Variants in SERBP1 observed in about 807,000 individuals in gnomAD.
SERBP1 encodes the protein SERPINE1 mRNA binding protein 1, also known as SERPINE1 mRNA-binding protein 1.
A neutral mutation model predicts 50.2 loss-of-function variants in SERBP1; 6 were observed. That is an observed-to-expected ratio of 0.12 (90% CI 0.07 to 0.24). The LOEUF (loss-of-function observed/expected upper bound fraction) is 0.24. SERBP1 is among the 10% of genes least tolerant of loss of function. The probability of loss-of-function intolerance (pLI) is 1.00; values close to 1 mark genes in which losing one functional copy is unlikely to be tolerated. For missense variants in SERBP1, 346 were observed against 524.9 expected (o/e 0.66, Z 3.33); for synonymous variants, 168 against 182.8 (o/e 0.92, Z 0.65).
intron 6 of SERBP1, among the ~76,000 whole-genome samples, chr1:67,416,787 A>G (rs1667025268): frequency 6.6e-6 from 1 of 152,250 alleles, no homozygotes; most frequent in Non-Finnish European, 1.5e-5. Flanking sequence ...GTTCTAATAC[A>G]AATTTTAAAG....
intron 6 of SERBP1, chr1:67,417,369 G>C (rs1257154962): frequency 6.6e-6 from 1 of 152,106 alleles, no homozygotes. Context: ...AACGTGTTTA[G>C]GCTATATGCA....
chr1:67,428,542 G>A (rs963609083), intron 1 of SERBP1, among the ~76,000 whole-genome samples: 1 of 152,134 alleles, frequency 6.6e-6, no homozygotes, highest in Non-Finnish European at 1.5e-5. Flanking sequence ...CGAATTAAAT[G>A]ATTTATTTAA....
At chr1:67,414,724 T>C (rs1410104423) in intron 7 of SERBP1, among the ~76,000 whole-genome samples, 2 of 152,118 alleles carry the variant, frequency 1.3e-5, no homozygotes, top group Non-Finnish European at 2.9e-5. Context: ...GTAAGAGGAA[T>C]TATACAAGGA....
intron 5 of SERBP1, among the ~76,000 whole-genome samples, chr1:67,423,150 T>A (rs1283180864): frequency 6.7e-6 from 1 of 149,002 alleles, no homozygotes; most frequent in African/African-American, 2.5e-5. Flanking sequence ...ATATAAAAAA[T>A]TAGCCAGGCA....
Position 67,430,240 on chromosome 1 carries a change from A to G in SERBP1, c.61T>C (p.Phe21Leu), listed in dbSNP as rs1274867678. The change falls in exon 1 of 8, where the codon TTT becomes CTT. Residue 21 changes from phenylalanine to leucine, a missense_variant. Transcript: ENST00000361219. ...CVVTNRFDQL[F>L]DDESDPFEVL... ...TCGAAGGGGTCCGATTCGTCGTCAA[A>G]TAACTGGTCGAATCGGTTGGTGACC... 3 of 1,590,216 alleles carry G rather than the reference A, an allele frequency of 1.9e-6. No homozygotes were observed. Among genetic ancestry groups the G allele is most frequent in the East Asian group, 2.3e-5 (1 of 44,348 alleles).
chr1:67,422,503 T>C (rs1317645260), intron 5 of SERBP1, among the ~76,000 whole-genome samples: 2 of 142,960 alleles, frequency 1.4e-5, no homozygotes, highest in African/African-American at 2.6e-5. Context: ...AGAGCAAAAC[T>C]CCATCTCAAA....
rs1384880773 is a variant in SERBP1 at position 67,409,252 on chromosome 1, A to T, written c.*3955T>A. ...AAGAAACAAACTCTTGTAACCCGAGAGTGACAGTTCCGGGGTCAGCAAACA... is the reference window on the plus strand; with the variant it reads ...AAGAAACAAACTCTTGTAACCCGAGTGTGACAGTTCCGGGGTCAGCAAACA... On this transcript the variant is annotated 3_prime_UTR_variant, in exon 8 of 8. Coordinates refer to ENST00000361219, the MANE Select transcript of SERBP1 (RefSeq NM_001018069.2). The T allele has an allele frequency of 6.6e-6, 1 of 151,560 alleles. No individual in the cohort carries two copies. Among genetic ancestry groups the T allele is most frequent in the Non-Finnish European group, 1.5e-5 (1 of 67,942 alleles). The allele number at this position is 151,560 out of a possible 1,614,324, so 9.4% of individuals were successfully genotyped here.
rs1242709616 is a variant in SERBP1, at chr1:67,408,828, A to T, written c.*4379T>A. On this transcript the variant is annotated 3_prime_UTR_variant, in exon 8 of 8. Transcript: ENST00000361219. ...GCAGGCTACCTATCTAAAAAATAATAAAACATGTTTTACTAACAAGTTTTA... is the reference window on the plus strand; with the variant it reads ...GCAGGCTACCTATCTAAAAAATAATTAAACATGTTTTACTAACAAGTTTTA... The T allele has an allele frequency of 6.6e-6, 1 of 152,218 alleles. No individual in the cohort carries two copies. The highest frequency in any genetic ancestry group is 1.5e-5 in the Non-Finnish European group (1 of 68,042). 9.4% of individuals were successfully genotyped at this position (152,218 alleles called of 1,614,324 possible). A position where few individuals can be genotyped will look rare whatever the true frequency, so the allele number is the denominator to read the frequency against.
At chr1:67,420,758 A>G (rs1570292352) in intron 5 of SERBP1, among the ~76,000 whole-genome samples, 2 of 152,158 alleles carry the variant, frequency 1.3e-5, no homozygotes, top group Non-Finnish European at 2.9e-5. Context: ...TTATACTCCA[A>G]TTTTCAAACC....
chr1:67,420,770 A>G (rs1402789782), intron 5 of SERBP1, among the ~76,000 whole-genome samples: 1 of 152,226 alleles, frequency 6.6e-6, no homozygotes, highest in East Asian at 1.9e-4. Context: ...TTTCAAACCA[A>G]CCTGTATATG....
At chr1:67,426,434 G>A (rs1226181440) in intron 1 of SERBP1, 149 bp from the exon 2 acceptor site, 1 of 606,490 alleles carries the variant, frequency 1.6e-6, no homozygotes, top group African/African-American at 1.9e-5. Context: ...GTGTAACAAA[G>A]TACCTTAGGA....
rs1666708582 is a variant in SERBP1, at chr1:67,408,502, A to C, written c.*4705T>G. ...TCCATTTAGAAGTGAACAATTGGCTACCAGTTTAGTACAGAAGTAATCAAC... is the reference window on the plus strand; with the variant it reads ...TCCATTTAGAAGTGAACAATTGGCTCCCAGTTTAGTACAGAAGTAATCAAC... On this transcript the variant is annotated 3_prime_UTR_variant, in exon 8 of 8. Transcript: ENST00000361219. The C allele has an allele frequency of 6.6e-6, 1 of 151,720 alleles. No homozygotes were observed. Among genetic ancestry groups the C allele is most frequent in the Middle Eastern group, 3.4e-3 (1 of 292 alleles). 9.4% of individuals were successfully genotyped at this position (151,720 alleles called of 1,614,324 possible). A position where few individuals can be genotyped will look rare whatever the true frequency, so the allele number is the denominator to read the frequency against.
At chr1:67,425,306 A>G (rs1667333708) in intron 2 of SERBP1, 83 bp from the exon 3 acceptor site, 2 of 1,305,014 alleles carry the variant, frequency 1.5e-6, no homozygotes, top group Middle Eastern at 2.2e-4. Flanking sequence ...AAAATACAGA[A>G]CATGTTTACT....
At chr1:67,421,395 TAA>T (rs1458990319) in intron 5 of SERBP1, among the ~76,000 whole-genome samples, 5 of 152,212 alleles carry the variant, frequency 3.3e-5, no homozygotes, top group South Asian at 4.1e-4. Flanking sequence ...AAGCTATATA[TAA>T]GTTAGTTCAT....
At position 67,419,989 on chromosome 1, in the gene SERBP1, A is replaced by G; in HGVS notation, c.951+20T>C. ...AAGTCACATCTGAACATTTTCAAAC[A>G]CGACAAAACTTAATTTTACCTCTTC... On this transcript the variant is annotated intron_variant, in intron 6 of 7. Transcript: ENST00000361219. 1 of 1,608,538 alleles carries G rather than the reference A, an allele frequency of 6.2e-7. No individual in the cohort carries two copies. The highest frequency in any genetic ancestry group is 1.1e-5 in the South Asian group (1 of 90,664).
At position 67,414,306 on chromosome 1, in the gene SERBP1, T is replaced by TATAA. The variant is rs1473530703; in HGVS notation, c.1125+856_1125+859dup. ...CCAAACTGCTCTTTATAGCCTAAAG[T>TATAA]ATAAATAACAGAACTAAAAAAGAAA... On this transcript the variant is annotated intron_variant, in intron 7 of 7. Transcript: ENST00000361219. Among the ~76,000 whole-genome samples the TATAA allele has an allele frequency of 2.6e-5, 4 of 151,976 alleles. No homozygotes were observed. The East Asian group carries it at 7.7e-4, about 29-fold the overall frequency.
intron 5 of SERBP1, among the ~76,000 whole-genome samples, chr1:67,421,573 G>C (rs1384557167): frequency 2.0e-5 from 3 of 152,164 alleles, no homozygotes; most frequent in Non-Finnish European, 4.4e-5. Flanking sequence ...CTAAGGATTT[G>C]CTACCAATAG....
chr1:67,417,985 T>TG (rs934512555), intron 6 of SERBP1, among the ~76,000 whole-genome samples: 6 of 142,154 alleles, frequency 4.2e-5, no homozygotes, highest in Non-Finnish European at 7.7e-5. Flanking sequence ...TTTTTTTTTT[T>TG]TTTTTTTTTT....
intron 4 of SERBP1, 121 bp from the exon 5 acceptor site, chr1:67,424,398 A>G: frequency 4.6e-6 from 6 of 1,297,314 alleles, no homozygotes; most frequent in South Asian, 3.0e-5. Context: ...CAAAAATACC[A>G]TAAGCTCTCA....
Sources: gnomAD v4.1 joint callset for allele counts (sites outside exome capture counted in the v4.1 genomes callset) on GRCh38, gnomAD v4.1.1 for gene constraint, MANE v1.5 for transcripts, NCBI Gene and HGNC (gene_info 2026-07-23, HGNC 2026-07-21) for gene names.